Variants in ENAH observed in about 807,000 individuals in gnomAD.
ENAH encodes the protein protein enabled homolog.
In ENAH, 23 loss-of-function variants were observed where a neutral mutation model predicts 78.7. The ratio of observed to expected loss-of-function variants is 0.29; its 90% CI spans 0.21 to 0.41. The LOEUF is 0.41. Among genes scored for constraint, ENAH ranks in the 10% least tolerant of loss-of-function variants. The pLI is 1.00. For synonymous variants in ENAH, 226 were observed against 241.0 expected (o/e 0.94, Z 0.58); for missense variants, 544 against 691.0 (o/e 0.79, Z 2.39).
chr1:225,533,070 C>G (rs2096545784), intron 3 of ENAH, among the ~76,000 whole-genome samples: 1 of 151,996 alleles, frequency 6.6e-6, no homozygotes, highest in Non-Finnish European at 1.5e-5. Context: ...TCTGGTTGTT[C>G]TGTTTGTTTC....
chr1:225,497,962 A>G (rs1234212809), intron 13 of ENAH, 150 bp from the exon 14 acceptor site: 4 of 623,810 alleles, frequency 6.4e-6, no homozygotes, highest in Non-Finnish European at 1.1e-5. Flanking sequence ...CATCTTTAAT[A>G]TTAGAAAGAT....
chr1:225,498,836 A>G (rs1274282372), intron 12 of ENAH, among the ~76,000 whole-genome samples: 1 of 152,182 alleles, frequency 6.6e-6, no homozygotes, highest in Admixed American at 6.5e-5. Context: ...GTATGTATGG[A>G]GATTTCTCAG....
At position 225,491,503 on chromosome 1, in the gene ENAH, A is replaced by AAAAAG. The variant is rs1204669274; in HGVS notation, c.*6267_*6271dup. ...AAAAAAAAAAATAAAAGAAAAAGAAAAAAAGAAAAGAGGTTTCACAGATGT... is the reference window on the plus strand; with the variant it reads ...AAAAAAAAAAATAAAAGAAAAAGAAAAAAAGAAAAGAAAAGAGGTTTCACAGATGT... On this transcript the variant is annotated 3_prime_UTR_variant, in exon 14 of 14. Coordinates refer to ENST00000366843, the MANE Select transcript of ENAH (RefSeq NM_018212.6). 1.1e-4 allele frequency: 17 copies of AAAAAG among 152,138 alleles called. No individual in the cohort carries two copies. The highest frequency in any genetic ancestry group is 3.4e-4 in the African/African-American group (14 of 41,436). 9.4% of individuals were successfully genotyped at this position (152,138 alleles called of 1,614,324 possible). A position where few individuals can be genotyped will look rare whatever the true frequency, so the allele number is the denominator to read the frequency against.
chr1:225,508,787 AG>A (rs2096354458), intron 10 of ENAH, among the ~76,000 whole-genome samples: 1 of 152,238 alleles, frequency 6.6e-6, no homozygotes, highest in Admixed American at 6.5e-5. Context: ...CATGGAGGAA[AG>A]AATTTGGGCC....
At chr1:225,516,418 G>A (rs1395101390) in intron 6 of ENAH, among the ~76,000 whole-genome samples, 1 of 152,160 alleles carries the variant, frequency 6.6e-6, no homozygotes. Flanking sequence ...CAGGGCCCAA[G>A]ATCAGAACTG....
chr1:225,627,785 G>T (rs1428145356), intron 1 of ENAH, among the ~76,000 whole-genome samples: 1 of 152,196 alleles, frequency 6.6e-6, no homozygotes, highest in Non-Finnish European at 1.5e-5. Flanking sequence ...GCTACTGAAT[G>T]TAACTTTCAG....
intron 1 of ENAH, among the ~76,000 whole-genome samples, chr1:225,639,497 C>G (rs952506844): frequency 2.0e-5 from 3 of 152,030 alleles, no homozygotes; most frequent in Non-Finnish European, 4.4e-5. Flanking sequence ...GAATTCAACC[C>G]CTTTTTTCTG....
chr1:225,595,258 G>A (rs930150119), intron 1 of ENAH, among the ~76,000 whole-genome samples: 5 of 152,068 alleles, frequency 3.3e-5, no homozygotes, highest in Non-Finnish European at 7.4e-5. Flanking sequence ...GCTTGAACAC[G>A]GGAGGCGGAG....
intron 3 of ENAH, 75 bp from the exon 4 acceptor site, chr1:225,530,713 A>G (rs1013671465): frequency 6.0e-6 from 7 of 1,157,226 alleles, no homozygotes; most frequent in Non-Finnish European, 9.0e-6. Flanking sequence ...AATCATGAGA[A>G]TAACATAAAA....
intron 1 of ENAH, among the ~76,000 whole-genome samples, chr1:225,630,106 T>A (rs1658728787): frequency 6.6e-6 from 1 of 152,196 alleles, no homozygotes; most frequent in South Asian, 2.1e-4. Context: ...TAACATAAAC[T>A]GCATCCTTTT....
chr1:225,550,079 AC>A (rs1321616259), intron 3 of ENAH, among the ~76,000 whole-genome samples: 1 of 150,896 alleles, frequency 6.6e-6, no homozygotes, highest in Non-Finnish European at 1.5e-5. Context: ...CCTGCTCCTG[AC>A]CCCCACCACA....
rs1305674020 is a variant in ENAH, at chr1:225,491,638, A to T, written c.*6137T>A. 1 of 152,184 alleles carries T rather than the reference A, an allele frequency of 6.6e-6. No homozygotes were observed. Among genetic ancestry groups the T allele is most frequent in the Non-Finnish European group, 1.5e-5 (1 of 68,026 alleles). 9.4% of individuals were successfully genotyped at this position (152,184 alleles called of 1,614,324 possible). A position where few individuals can be genotyped will look rare whatever the true frequency, so the allele number is the denominator to read the frequency against. ...ATGTGTATTTTAAGTGTAAGCCAAG[A>T]ACCTTTTCTCTCAGTTTCTATAGAC... is the stretch of plus-strand genomic sequence containing the variant. On this transcript the variant is annotated 3_prime_UTR_variant, in exon 14 of 14. Coordinates refer to ENST00000366843, the MANE Select transcript of ENAH (RefSeq NM_018212.6).
intron 1 of ENAH, among the ~76,000 whole-genome samples, chr1:225,607,377 G>A (rs762595722): frequency 6.6e-6 from 1 of 152,168 alleles, no homozygotes; most frequent in Non-Finnish European, 1.5e-5. Context: ...GCACAATTTT[G>A]AAAGCCGAAA....
chr1:225,524,875 A>G (rs2096493282), intron 4 of ENAH, among the ~76,000 whole-genome samples: 1 of 152,252 alleles, frequency 6.6e-6, no homozygotes, highest in South Asian at 2.1e-4. Flanking sequence ...ATGAGTAGGA[A>G]CCAAAAACTA....
chr1:225,622,941 A>G (rs1252324338), intron 1 of ENAH, among the ~76,000 whole-genome samples: 2 of 152,196 alleles, frequency 1.3e-5, no homozygotes, highest in African/African-American at 4.8e-5. Flanking sequence ...GGGCACAGGG[A>G]TAAGACATAA....
intron 1 of ENAH, among the ~76,000 whole-genome samples, chr1:225,573,848 G>A (rs1277748750): frequency 6.6e-6 from 1 of 152,162 alleles, no homozygotes; most frequent in Non-Finnish European, 1.5e-5. Flanking sequence ...CACTTATTCA[G>A]AAACATGTCT....
In ENAH at chr1:225,641,382, C is replaced by T. The variant is rs187773105; in HGVS notation, c.5+11304G>A. On this transcript the variant is annotated intron_variant, in intron 1 of 13. Transcript: ENST00000366843. ...AAGCCAAGCACTGTGGTTCAGTAAT[C>T]CCAGCACTTTGGGAGGTCAAGGCAA... is the stretch of plus-strand genomic sequence containing the variant. Among the ~76,000 whole-genome samples the T allele has an allele frequency of 6.7e-3, 999 of 149,472 alleles. 11 individuals are homozygous for T. Among genetic ancestry groups the T allele is most frequent in the African/African-American group, 0.023 (948 of 40,624 alleles).
rs1255238240 is a variant in ENAH at position 225,567,161 on chromosome 1, A to G, written c.171+88T>C. ...CCCAGAGAGAGACTATTTTGATTAC[A>G]GTTTTAAAACTACTTTATTTTACGG... On this transcript the variant is annotated intron_variant, in intron 2 of 13. Coordinates refer to ENST00000366843, the MANE Select transcript of ENAH (RefSeq NM_018212.6). 18 of 1,413,402 alleles carry G rather than the reference A, an allele frequency of 1.3e-5. No individual in the cohort carries two copies. In the South Asian group the frequency reaches 2.4e-4, roughly 19 times the overall value. The allele number at this position is 1,413,402 out of a possible 1,614,324, so 87.6% of individuals were successfully genotyped here. A position where few individuals can be genotyped will look rare whatever the true frequency, so the allele number is the denominator to read the frequency against.
At chr1:225,606,394 G>C (rs2096955567) in intron 1 of ENAH, among the ~76,000 whole-genome samples, 1 of 151,740 alleles carries the variant, frequency 6.6e-6, no homozygotes, top group Non-Finnish European at 1.5e-5. Context: ...AGGAGGCAGA[G>C]GTTGCAGTGA....
Sources: gnomAD v4.1 joint callset for allele counts (sites outside exome capture counted in the v4.1 genomes callset) on GRCh38, gnomAD v4.1.1 for gene constraint, MANE v1.5 for transcripts, NCBI Gene and HGNC (gene_info 2026-07-23, HGNC 2026-07-21) for gene names.